Variants in SMYD3 observed in about 807,000 individuals in gnomAD.
SMYD3 encodes SET and MYND domain containing 3, also known as histone-lysine N-methyltransferase SMYD3.
A neutral mutation model predicts 57.7 loss-of-function variants in SMYD3; 36 were observed. The ratio of observed to expected loss-of-function variants is 0.62; its 90% CI spans 0.48 to 0.82. The LOEUF is 0.82. SMYD3 is among the 40% of genes least tolerant of loss of function. The pLI is 0.00. For missense variants in SMYD3, 515 were observed against 538.8 expected (o/e 0.96, Z 0.44); for synonymous variants, 211 against 195.0 (o/e 1.08, Z -0.68).
intron 5 of SMYD3, among the ~76,000 whole-genome samples, chr1:246,279,209 C>T (rs943962743): frequency 2.6e-5 from 4 of 152,184 alleles, no homozygotes; most frequent in Admixed American, 2.0e-4. Context: ...CAAAGAGCCA[C>T]TTAAGCTACA....
At chr1:246,425,583 G>A (rs908693378) in intron 1 of SMYD3, among the ~76,000 whole-genome samples, 3 of 152,238 alleles carry the variant, frequency 2.0e-5, no homozygotes, top group Admixed American at 6.5e-5. Flanking sequence ...AAATACTCCC[G>A]CTTCTTTGCC....
chr1:246,330,844 T>C (rs1224273953), intron 3 of SMYD3, among the ~76,000 whole-genome samples: 8 of 152,098 alleles, frequency 5.3e-5, no homozygotes, highest in African/African-American at 1.9e-4. Context: ...CAGTAAACAA[T>C]AGGAAAAGGT....
rs186540464 is a variant in SMYD3 at position 246,085,244 on chromosome 1, C to G, written c.532-155307G>C. Among the ~76,000 whole-genome samples the G allele has an allele frequency of 2.6e-5, 4 of 152,082 alleles. No individual in the cohort carries two copies. In the East Asian group the frequency reaches 7.7e-4, roughly 29 times the overall value. On this transcript the variant is annotated intron_variant, in intron 5 of 11. Transcript: ENST00000490107. Reference sequence around the variant, plus strand: ...TGGTATTAGTTAACATCTGAAGTACCCTAATGAGGAATTAATCCAGAGGTG... The same window carrying G: ...TGGTATTAGTTAACATCTGAAGTACGCTAATGAGGAATTAATCCAGAGGTG...
intron 4 of SMYD3, 101 bp downstream of exon 4, chr1:246,330,379 T>C: frequency 1.1e-6 from 1 of 940,882 alleles, no homozygotes; most frequent in Non-Finnish European, 1.6e-6. Context: ...TTGCATCACA[T>C]TATAAAGAAA....
intron 10 of SMYD3, among the ~76,000 whole-genome samples, chr1:245,797,172 T>C (rs975593301): frequency 6.6e-6 from 1 of 152,168 alleles, no homozygotes; most frequent in Non-Finnish European, 1.5e-5. Context: ...AGGGCTTTAC[T>C]TCAGGTCCAT....
intron 5 of SMYD3, among the ~76,000 whole-genome samples, chr1:246,116,980 A>G (rs2061350962): frequency 6.6e-6 from 1 of 152,210 alleles, no homozygotes; most frequent in African/African-American, 2.4e-5. Context: ...TTTCCTTAAA[A>G]ACTCTTACTC....
At chr1:246,149,880 T>C (rs548743584) in intron 5 of SMYD3, among the ~76,000 whole-genome samples, 4 of 152,260 alleles carry the variant, frequency 2.6e-5, no homozygotes, top group Non-Finnish European at 4.4e-5. Flanking sequence ...CTGTCTACAA[T>C]GTAACCCAAA....
At chr1:245,777,697 T>G (rs1448847790) in intron 10 of SMYD3, among the ~76,000 whole-genome samples, 1 of 151,792 alleles carries the variant, frequency 6.6e-6, no homozygotes. Flanking sequence ...TTCCTAGAGG[T>G]CCCCCTGTGT....
At chr1:246,346,805 A>C (rs895540793) in intron 2 of SMYD3, among the ~76,000 whole-genome samples, 1 of 152,212 alleles carries the variant, frequency 6.6e-6, no homozygotes, top group Non-Finnish European at 1.5e-5. Context: ...CTAAAAGGCA[A>C]AAAAACATAG....
In SMYD3 at chr1:246,507,098, C is replaced by T; in HGVS notation, c.120G>A (p.Val40=). 6.5e-7 allele frequency: 1 copy of T among 1,529,786 alleles called. No homozygotes were observed. The allele number at this position is 1,529,786 out of a possible 1,614,324, so 94.8% of individuals were successfully genotyped here. A position where few individuals can be genotyped will look rare whatever the true frequency, so the allele number is the denominator to read the frequency against. ...AGACGACGCCACGACTCCCCTTGCA[C>T]ACCGTGTACGCCAAGGGATCCGAGC... The part of the protein sequence containing the change: ...LFRSDPLAYT[V]CKGSRGVVCD... The change falls in exon 1 of 12, where the codon GTG becomes GTA. Residue 40 remains valine (V), a synonymous_variant. Transcript: ENST00000490107.
intron 10 of SMYD3, among the ~76,000 whole-genome samples, chr1:245,764,682 C>T (rs1039766980): frequency 1.3e-5 from 2 of 152,024 alleles, no homozygotes; most frequent in Admixed American, 6.5e-5. Context: ...TTCTTATGAG[C>T]ACGTGTGTAT....
Position 246,207,517 on chromosome 1 carries a change from T to C in SMYD3, c.531+119684A>G, listed in dbSNP as rs551937314. ...TGGACTGGGAGTTACTAAATAAAGGTGATGTGGAAAACAAATCATAACATA... is the reference window on the plus strand; with the variant it reads ...TGGACTGGGAGTTACTAAATAAAGGCGATGTGGAAAACAAATCATAACATA... On this transcript the variant is annotated intron_variant, in intron 5 of 11. Transcript: ENST00000490107. 1.5e-3 allele frequency among the ~76,000 whole-genome samples: 229 copies of C among 152,076 alleles called. 1 individual carries two copies. Among genetic ancestry groups the C allele is most frequent in the Middle Eastern group, 0.01 (3 of 294 alleles).
intron 5 of SMYD3, among the ~76,000 whole-genome samples, chr1:246,171,054 T>C (rs2062321906): frequency 6.6e-6 from 1 of 152,308 alleles, no homozygotes; most frequent in African/African-American, 2.4e-5. Context: ...TATACTTTGT[T>C]TCTTTCAGTA....
chr1:246,235,573 G>A (rs1381365839), intron 5 of SMYD3, among the ~76,000 whole-genome samples: 1 of 146,058 alleles, frequency 6.8e-6, no homozygotes, highest in Non-Finnish European at 1.5e-5. Context: ...CATGTATGGT[G>A]AGCCACCTCC....
At chr1:246,280,098 A>T (rs1490491209) in intron 5 of SMYD3, among the ~76,000 whole-genome samples, 1 of 152,202 alleles carries the variant, frequency 6.6e-6, no homozygotes, top group Non-Finnish European at 1.5e-5. Context: ...GAAGATAACA[A>T]AGGAATATAT....
chr1:246,229,105 T>C (rs1234332401), intron 5 of SMYD3, among the ~76,000 whole-genome samples: 1 of 152,178 alleles, frequency 6.6e-6, no homozygotes, highest in East Asian at 1.9e-4. Flanking sequence ...TTACTCTAAA[T>C]GTTCAATTAG....
intron 5 of SMYD3, among the ~76,000 whole-genome samples, chr1:246,295,019 T>C (rs1298967600): frequency 1.3e-5 from 2 of 152,200 alleles, no homozygotes; most frequent in Non-Finnish European, 2.9e-5. Flanking sequence ...TGCATATTAC[T>C]TATGTCTGTT....
intron 8 of SMYD3, among the ~76,000 whole-genome samples, chr1:245,898,035 T>C (rs1572628414): frequency 5.9e-5 from 9 of 152,188 alleles, no homozygotes; most frequent in Admixed American, 3.9e-4. Flanking sequence ...GCTCTGGCTG[T>C]GTTTTCCTTC....
chr1:246,189,385 G>C (rs916935129), intron 5 of SMYD3, among the ~76,000 whole-genome samples: 6 of 152,148 alleles, frequency 3.9e-5, no homozygotes, highest in African/African-American at 1.4e-4. Context: ...CGCAAGTGTC[G>C]GTAACAGTTA....
Sources: gnomAD v4.1 joint callset for allele counts (sites outside exome capture counted in the v4.1 genomes callset) on GRCh38, gnomAD v4.1.1 for gene constraint, MANE v1.5 for transcripts, NCBI Gene and HGNC (gene_info 2026-07-23, HGNC 2026-07-21) for gene names.